KIF1A: variants seen among roughly 807,000 people sequenced by gnomAD.
KIF1A encodes kinesin-like protein KIF1A.
KIF1A carries 46 observed loss-of-function variants against 227.3 expected under a neutral mutation model. The ratio of observed to expected loss-of-function variants is 0.20; its 90% CI spans 0.16 to 0.26. KIF1A has a LOEUF of 0.26. KIF1A is among the 10% of genes least tolerant of loss of function. The pLI is 1.00. For synonymous variants in KIF1A, 1,022 were observed against 1,012.8 expected (o/e 1.01, Z -0.17); for missense variants, 1,683 against 2,485.9 (o/e 0.68, Z 6.87).
Position 240,719,765 on chromosome 2 carries a change from C to A in KIF1A, c.5021+9G>T. ...TGGTGGCGGTGCTTTCCAGGGAGGC[C>A]CCACACACCTGACTCGGATCTCCTG... On this transcript the variant is annotated intron_variant, in intron 46 of 48. Transcript: ENST00000498729. The A allele has an allele frequency of 6.4e-7, 1 of 1,552,574 alleles. No homozygotes were observed.
At chr2:240,760,983 AG>A in intron 24 of KIF1A, 140 bp from the exon 25 acceptor site, 7 of 943,672 alleles carry the variant, frequency 7.4e-6, no homozygotes, top group East Asian at 5.6e-5. Context: ...GACAGCCGCC[AG>A]GGGGGACCAC....
At chr2:240,730,752 G>A (rs1051715014) in intron 38 of KIF1A, among the ~76,000 whole-genome samples, 1 of 152,222 alleles carries the variant, frequency 6.6e-6, no homozygotes, top group Non-Finnish European at 1.5e-5. Context: ...ACACAACACA[G>A]TCATGTGGCA....
intron 2 of KIF1A, among the ~76,000 whole-genome samples, chr2:240,795,999 C>T (rs537617916): frequency 3.9e-5 from 6 of 152,204 alleles, no homozygotes; most frequent in Non-Finnish European, 4.4e-5. Context: ...ATTGTGCTGC[C>T]GGCACCCAGT....
chr2:240,744,558 G>A (rs1270973362), intron 32 of KIF1A, among the ~76,000 whole-genome samples: 2 of 152,176 alleles, frequency 1.3e-5, no homozygotes, highest in African/African-American at 4.8e-5. Context: ...ATCCAACATG[G>A]CTGCTGTCCC....
At position 240,726,998 on chromosome 2, in the gene KIF1A, G is replaced by T. The variant is rs2046087339; in HGVS notation, c.4008-58C>A. ...TGGCGTGGGGGCTGCTTTCAGCCAG[G>T]CCGGGGACATGCAGACAGACAGAGC... On this transcript the variant is annotated intron_variant, in intron 38 of 48. Transcript: ENST00000498729. This position sits in a 1 kb window ranked among gnomAD's most constrained non-coding sequence, Gnocchi z 5.2. 1.9e-6 allele frequency: 2 copies of T among 1,048,438 alleles called. No homozygotes were observed. The highest frequency in any genetic ancestry group is 2.0e-5 in the Admixed American group (1 of 49,182). The allele number at this position is 1,048,438 out of a possible 1,614,324, so 64.9% of individuals were successfully genotyped here.
At chr2:240,811,641 G>C (rs890686706) in intron 1 of KIF1A, among the ~76,000 whole-genome samples, 1 of 152,180 alleles carries the variant, frequency 6.6e-6, no homozygotes, top group South Asian at 2.1e-4. Flanking sequence ...TGGGACAGGT[G>C]GGGCAGGAAG....
At chr2:240,727,738 G>T (rs938374761) in intron 38 of KIF1A, among the ~76,000 whole-genome samples, 1 of 152,170 alleles carries the variant, frequency 6.6e-6, no homozygotes, top group South Asian at 2.1e-4. Context: ...AGCCCCAGGG[G>T]CCTGGGATTT....
At chr2:240,720,735 G>A (rs950703785) in intron 45 of KIF1A, 179 bp downstream of exon 45, 37 of 624,050 alleles carry the variant, frequency 5.9e-5, no homozygotes, top group Non-Finnish European at 9.2e-5. Flanking sequence ...CGGGGCACAG[G>A]CACCCTCTGA....
At chr2:240,771,739 T>C (rs945384813) in intron 14 of KIF1A, among the ~76,000 whole-genome samples, 12 of 152,048 alleles carry the variant, frequency 7.9e-5, no homozygotes, top group African/African-American at 2.9e-4. Context: ...GACATGGAAA[T>C]TGGCCCAGAG....
intron 10 of KIF1A, among the ~76,000 whole-genome samples, chr2:240,779,879 A>G (rs1028239671): frequency 6.6e-6 from 1 of 152,060 alleles, no homozygotes; most frequent in African/African-American, 2.4e-5. Flanking sequence ...CTCCACACGC[A>G]GGCTGTCCCA....
Position 240,789,623 on chromosome 2 carries a change from C to T in KIF1A, c.107-311G>A, listed in dbSNP as rs1012733179. Among the ~76,000 whole-genome samples the T allele has an allele frequency of 6.6e-6, 1 of 152,216 alleles. No homozygotes were observed. The highest frequency in any genetic ancestry group is 2.4e-5 in the African/African-American group (1 of 41,458). ...AGCCACCCGGGGAGGATCCTTCCCA[C>T]CTGCAAGCTGCGGCCCCTCCATCTC... On this transcript the variant is annotated intron_variant, in intron 2 of 48. Transcript: ENST00000498729. This position sits in a 1 kb window ranked among gnomAD's most constrained non-coding sequence, Gnocchi z 4.8.
intron 46 of KIF1A, 121 bp downstream of exon 46, chr2:240,719,653 A>T (rs768707958): frequency 1.7e-6 from 2 of 1,196,148 alleles, no homozygotes; most frequent in Non-Finnish European, 2.3e-6. Context: ...GGCATCAGGC[A>T]ACCTGTCTGT....
intron 2 of KIF1A, among the ~76,000 whole-genome samples, chr2:240,791,099 G>A (rs1021793665): frequency 3.9e-5 from 6 of 152,046 alleles, no homozygotes; most frequent in African/African-American, 1.5e-4. Context: ...CCAGCAGGAG[G>A]GAGCTGGGGA....
At position 240,761,363 on chromosome 2, in the gene KIF1A, GCT is replaced by G; in HGVS notation, c.2129_2130del (p.Glu710AlafsTer4). On this transcript the variant is annotated frameshift_variant, in exon 24 of 49. Transcript: ENST00000498729. LOFTEE classifies it high-confidence loss of function. ...EEPEDEVQWT[E>X]RECELALWAF... ...GCCCAGAGCGCCAGCTCACACTCCCGCTCTGTCCACTGGACTGTGGGGAGAGG... is the reference window on the plus strand; with the variant it reads ...GCCCAGAGCGCCAGCTCACACTCCCGCTGTCCACTGGACTGTGGGGAGAGG... 2 of 1,609,736 alleles carry G rather than the reference GCT, an allele frequency of 1.2e-6. No homozygotes were observed. Among genetic ancestry groups the G allele is most frequent in the Non-Finnish European group, 1.7e-6 (2 of 1,177,430 alleles).
intron 1 of KIF1A, among the ~76,000 whole-genome samples, chr2:240,815,766 G>A (rs1178576666): frequency 2.0e-5 from 3 of 152,142 alleles, no homozygotes; most frequent in Non-Finnish European, 2.9e-5. Context: ...TACCATCCTC[G>A]GAGTCCCAGG....
intron 1 of KIF1A, among the ~76,000 whole-genome samples, chr2:240,803,344 T>C (rs2057129680): frequency 6.6e-6 from 1 of 152,234 alleles, no homozygotes; most frequent in African/African-American, 2.4e-5. Flanking sequence ...CAGACCCCAG[T>C]GTCCCCGAGG....
At chr2:240,742,286 G>A (rs2048069659) in intron 34 of KIF1A, among the ~76,000 whole-genome samples, 1 of 152,160 alleles carries the variant, frequency 6.6e-6, no homozygotes, top group East Asian at 1.9e-4. Flanking sequence ...TACCCTCTGG[G>A]GTGCTGGTGC....
At chr2:240,770,901 G>A in intron 15 of KIF1A, 70 bp downstream of exon 15, 2 of 1,556,316 alleles carry the variant, frequency 1.3e-6, no homozygotes, top group South Asian at 1.1e-5. Context: ...AGGGCAGGGT[G>A]CCTCTCTAAC....
rs1006044975 is a variant in KIF1A at position 240,788,446 on chromosome 2, C to T, written c.184-216G>A. Among the ~76,000 whole-genome samples the T allele has an allele frequency of 2.0e-5, 3 of 152,128 alleles. No individual in the cohort carries two copies. Among genetic ancestry groups the T allele is most frequent in the South Asian group, 4.1e-4 (2 of 4,828 alleles). On this transcript the variant is annotated intron_variant, in intron 3 of 48. Transcript: ENST00000498729. The surrounding 1 kb of genome is among the most constrained non-coding windows in gnomAD (Gnocchi z 6.6). ...AGATGCGGGATGAAGAGCGGCCAGC[C>T]AGGCAGGAGGCAGGACGGGTTCCAG...
Sources: allele counts gnomAD v4.1 joint callset (sites outside exome capture counted in the v4.1 genomes callset), GRCh38; gene constraint gnomAD v4.1.1; non-coding constraint Gnocchi (gnomAD v3.1); transcripts MANE v1.5; gene names NCBI Gene and HGNC (gene_info 2026-07-23, HGNC 2026-07-21).